Variants in PRSS55 observed in about 807,000 individuals in gnomAD.
PRSS55 encodes the protein probable serine protease UNQ9391/PRO34284.
PRSS55 carries 41 observed loss-of-function variants against 23.6 expected under a neutral mutation model. The ratio of observed to expected loss-of-function variants is 1.74; its 90% CI spans 1.35 to 2.26. PRSS55 has a LOEUF of 2.26. Ranked by LOEUF, PRSS55 falls within the 30% of genes most tolerant of loss-of-function variation. The probability of loss-of-function intolerance (pLI) is 0.00; values close to 1 mark genes in which losing one functional copy is unlikely to be tolerated. For synonymous variants in PRSS55, 262 were observed against 175.5 expected (o/e 1.49, Z -3.90); for missense variants, 669 against 439.1 (o/e 1.52, Z -4.68).
chr8:10,530,349 C>T (rs1046401072), intron 2 of PRSS55, among the ~76,000 whole-genome samples: 2 of 152,214 alleles, frequency 1.3e-5, no homozygotes, highest in Admixed American at 6.5e-5. Context: ...GTGGCGTGCG[C>T]CTGTAGTCCC....
Position 10,529,715 on chromosome 8 carries a change from C to T in PRSS55, c.347+16C>T. On this transcript the variant is annotated intron_variant, in intron 2 of 4. Coordinates refer to ENST00000328655, the MANE Select transcript of PRSS55 (RefSeq NM_198464.4). ...AGGAGCTGTTGTAAGTACCATGGGC[C>T]TCCCACTGCCACCTCTCAGGGCGCC... The T allele has an allele frequency of 6.2e-7, 1 of 1,602,580 alleles. No homozygotes were observed. Among genetic ancestry groups the T allele is most frequent in the Non-Finnish European group, 8.5e-7 (1 of 1,171,756 alleles).
At chr8:10,541,862 C>A (rs1328320759), downstream of PRSS55, among the ~76,000 whole-genome samples, 1 of 152,182 alleles carries the variant, frequency 6.6e-6, no homozygotes, top group African/African-American at 2.4e-5. Flanking sequence ...GCAATCCTCC[C>A]AACTCAGCCT....
chr8:10,533,319 A>AT (rs1175651469), intron 4 of PRSS55, among the ~76,000 whole-genome samples: 16 of 152,286 alleles, frequency 1.1e-4, no homozygotes, highest in African/African-American at 3.4e-4. Context: ...GGCTTTTCTC[A>AT]TTTCTGGGAA....
intron 4 of PRSS55, among the ~76,000 whole-genome samples, chr8:10,547,251 G>A (rs374130466): frequency 5.3e-5 from 8 of 152,246 alleles, no homozygotes; most frequent in African/African-American, 1.9e-4. Flanking sequence ...CCAGGCGTGC[G>A]CCAGCCGGTG....
At chr8:10,535,507 C>T (rs1452551948) in intron 4 of PRSS55, among the ~76,000 whole-genome samples, 1 of 152,222 alleles carries the variant, frequency 6.6e-6, no homozygotes, top group East Asian at 1.9e-4. Flanking sequence ...GGATAACTGG[C>T]TAGCCATATG....
At chr8:10,529,846 C>G (rs1812185859) in intron 2 of PRSS55, 147 bp downstream of exon 2, 1 of 801,148 alleles carries the variant, frequency 1.2e-6, no homozygotes, top group Non-Finnish European at 2.0e-6. Context: ...CCACCCACCC[C>G]CCAGCCTGTG....
chr8:10,530,722 C>A (rs1265420797), intron 2 of PRSS55, among the ~76,000 whole-genome samples: 1 of 152,124 alleles, frequency 6.6e-6, no homozygotes, highest in African/African-American at 2.4e-5. Flanking sequence ...GAAGGTTAAT[C>A]AAAAACCCGG....
intron 4 of PRSS55, among the ~76,000 whole-genome samples, chr8:10,534,126 CA>C (rs33911802): frequency 0.31 from 46,599 of 151,662 alleles, 7,472 homozygotes; most frequent in African/African-American, 0.4. Flanking sequence ...ATTACCAAAA[CA>C]AAAAAAACAA....
chr8:10,549,169 G>A (rs771482203), intron 4 of PRSS55, among the ~76,000 whole-genome samples: 14 of 152,204 alleles, frequency 9.2e-5, no homozygotes, highest in Non-Finnish European at 1.3e-4. Flanking sequence ...ATCATAATAA[G>A]TGCTAGGATG....
At position 10,533,609 on chromosome 8, in the gene PRSS55, C is replaced by T. The variant is rs1812349061; in HGVS notation, c.741+561C>T. On this transcript the variant is annotated intron_variant, in intron 4 of 4. Coordinates refer to ENST00000328655, the MANE Select transcript of PRSS55 (RefSeq NM_198464.4). Reference sequence around the variant, plus strand: ...TTCTTTCTAAAAAATTATTGATAGCCAGAAAAATAGAAAAAAAATCATAAA... The same window carrying T: ...TTCTTTCTAAAAAATTATTGATAGCTAGAAAAATAGAAAAAAAATCATAAA... Among the ~76,000 whole-genome samples, 7 of 151,976 alleles carry T rather than the reference C, an allele frequency of 4.6e-5. No individual in the cohort carries two copies. In the South Asian group the frequency reaches 1.5e-3, roughly 32 times the overall value.
downstream of PRSS55, among the ~76,000 whole-genome samples, chr8:10,543,423 T>C (rs1469715481): frequency 7.0e-5 from 5 of 71,562 alleles, no homozygotes; most frequent in African/African-American, 1.2e-4. Flanking sequence ...CTTCTTTCTT[T>C]CTTCCTTCCT....
downstream of PRSS55, among the ~76,000 whole-genome samples, chr8:10,541,844 C>T (rs78681807): frequency 0.078 from 11,846 of 152,166 alleles, 563 homozygotes; most frequent in Middle Eastern, 0.12. Context: ...CTGCCACCTA[C>T]ATCTCAGGCA....
intron 3 of PRSS55, among the ~76,000 whole-genome samples, chr8:10,531,992 T>C (rs568830617): frequency 7.5e-4 from 114 of 152,132 alleles, no homozygotes; most frequent in South Asian, 2.5e-3. Flanking sequence ...ATGCTGTTAC[T>C]TGGCCAAAAC....
At position 10,525,618 on chromosome 8, in the gene PRSS55, C is replaced by T. The variant is rs762569792; in HGVS notation, c.33C>T (p.Ser11=). 7 of 1,614,136 alleles carry T rather than the reference C, an allele frequency of 4.3e-6. No homozygotes were observed. Among genetic ancestry groups the T allele is most frequent in the South Asian group, 1.1e-5 (1 of 91,080 alleles). ...TGTTCTCAGTGTTGCTGCTCCTGTCCCTGGTCACGGGAACTCAGCTCGGTC... is the reference window on the plus strand; with the variant it reads ...TGTTCTCAGTGTTGCTGCTCCTGTCTCTGGTCACGGGAACTCAGCTCGGTC... MLLFSVLLLL[S]LVTGTQLGPR... Residue 11 remains serine (S), a synonymous_variant, in exon 1 of 5, where the codon TCC becomes TCT. Coordinates refer to ENST00000328655, the MANE Select transcript of PRSS55 (RefSeq NM_198464.4).
At chr8:10,550,639 G>C (rs1812931405) in intron 4 of PRSS55, among the ~76,000 whole-genome samples, 1 of 152,132 alleles carries the variant, frequency 6.6e-6, no homozygotes, top group Non-Finnish European at 1.5e-5. Flanking sequence ...TTCCCAACCA[G>C]CCTTCCTCTC....
chr8:10,542,342 G>A (rs1478455772), downstream of PRSS55, among the ~76,000 whole-genome samples: 1 of 149,550 alleles, frequency 6.7e-6, no homozygotes, highest in Non-Finnish European at 1.5e-5. Context: ...GACCACTGCT[G>A]CTAAGGTGTT....
At chr8:10,551,302 G>A (rs1485127401) in intron 4 of PRSS55, among the ~76,000 whole-genome samples, 1 of 148,866 alleles carries the variant, frequency 6.7e-6, no homozygotes, top group Admixed American at 6.7e-5. Flanking sequence ...AACACCCTTG[G>A]CTTTAAAATG....
At chr8:10,549,247 G>A (rs1352215342) in intron 4 of PRSS55, among the ~76,000 whole-genome samples, 1 of 152,202 alleles carries the variant, frequency 6.6e-6, no homozygotes, top group Non-Finnish European at 1.5e-5. Flanking sequence ...CCCTGCAGCG[G>A]CCATGGCCGC....
intron 4 of PRSS55, among the ~76,000 whole-genome samples, chr8:10,534,119 A>G (rs1472357391): frequency 3.0e-5 from 3 of 101,422 alleles, no homozygotes; most frequent in East Asian, 5.9e-4. Context: ...TTAAAATATT[A>G]CCAAAACAAA....
Sources: gnomAD v4.1 joint callset for allele counts (sites outside exome capture counted in the v4.1 genomes callset) on GRCh38, gnomAD v4.1.1 for gene constraint, MANE v1.5 for transcripts, NCBI Gene and HGNC (gene_info 2026-07-23, HGNC 2026-07-21) for gene names.